NUDCD1: variants seen among roughly 807,000 people sequenced by gnomAD.
NUDCD1 encodes nudC domain-containing protein 1.
Under a neutral mutation model 67.8 loss-of-function variants are expected in NUDCD1, and 60 were observed. The observed-to-expected ratio is 0.88, with a 90% confidence interval of 0.72 to 1.10. The LOEUF is 1.10. Ranked by LOEUF, NUDCD1 falls within the 50% of genes least tolerant of loss-of-function variation. The pLI is 0.00. For synonymous variants in NUDCD1, 244 were observed against 230.8 expected (o/e 1.06, Z -0.52); for missense variants, 643 against 695.0 (o/e 0.93, Z 0.84).
chr8:109,280,012 AAAATTACTAC>A (rs1208002155), intron 6 of NUDCD1, among the ~76,000 whole-genome samples: 2 of 152,252 alleles, frequency 1.3e-5, no homozygotes, highest in Non-Finnish European at 2.9e-5. Context: ...TACATAAGAA[AAAATTACTAC>A]AATTTACAAA....
At position 109,296,545 on chromosome 8, in the gene NUDCD1, C is replaced by G. The variant is rs749909722; in HGVS notation, c.298G>C (p.Glu100Gln). The G allele has an allele frequency of 1.2e-6, 2 of 1,608,232 alleles. No individual in the cohort carries two copies. The highest frequency in any genetic ancestry group is 1.7e-6 in the Non-Finnish European group (2 of 1,175,874). The change falls in exon 3 of 10, where the codon GAG (glutamate) becomes CAG (glutamine). Residue 100 changes from glutamate to glutamine, a missense_variant. Coordinates refer to ENST00000239690, the MANE Select transcript of NUDCD1 (RefSeq NM_032869.4). ...MLDTALGKPREVFRLPTDLTA... is the reference protein window; with the variant it reads ...MLDTALGKPRQVFRLPTDLTA... ...AAATCTGTAGGAAGTCGAAACACCT[C>G]TCGTGGTTTTCCTAAGGCAGTGTCC...
chr8:109,257,933 A>AT (rs951233725), intron 8 of NUDCD1, among the ~76,000 whole-genome samples: 4 of 152,148 alleles, frequency 2.6e-5, no homozygotes, highest in Admixed American at 2.6e-4. Context: ...AAACACATGT[A>AT]TTACAAATTC....
intron 2 of NUDCD1, among the ~76,000 whole-genome samples, chr8:109,301,130 A>G (rs1223592365): frequency 1.3e-5 from 2 of 152,198 alleles, no homozygotes; most frequent in Non-Finnish European, 2.9e-5. Flanking sequence ...ACCTGCACGT[A>G]TGCATCCAGA....
intron 8 of NUDCD1, among the ~76,000 whole-genome samples, chr8:109,254,112 T>A (rs952885642): frequency 6.6e-6 from 1 of 152,194 alleles, no homozygotes; most frequent in Admixed American, 6.5e-5. Flanking sequence ...AGAGAAGGAC[T>A]GTGGCTTTGG....
chr8:109,318,930 T>G (rs1015636771), intron 2 of NUDCD1, among the ~76,000 whole-genome samples: 2 of 150,510 alleles, frequency 1.3e-5, no homozygotes, highest in African/African-American at 4.9e-5. Flanking sequence ...CAAACTATAG[T>G]CCACAGGCCA....
At chr8:109,292,003 A>C (rs1216540619) in intron 4 of NUDCD1, among the ~76,000 whole-genome samples, 1 of 152,178 alleles carries the variant, frequency 6.6e-6, no homozygotes, top group East Asian at 1.9e-4. Context: ...CCCTTGAGCC[A>C]AAGCTGAATC....
intron 2 of NUDCD1, among the ~76,000 whole-genome samples, chr8:109,302,447 T>C (rs1815011089): frequency 6.6e-6 from 1 of 152,100 alleles, no homozygotes; most frequent in Non-Finnish European, 1.5e-5. Context: ...AATCCTCCTT[T>C]TCTACAGACC....
chr8:109,279,248 T>C (rs1303495042), intron 6 of NUDCD1, among the ~76,000 whole-genome samples: 1 of 152,216 alleles, frequency 6.6e-6, no homozygotes, highest in African/African-American at 2.4e-5. Context: ...CAGATATGAA[T>C]GAGTTGCTGG....
Position 109,242,181 on chromosome 8 carries a change from A to G in NUDCD1, c.*828T>C, listed in dbSNP as rs1813382564. The G allele has an allele frequency of 5.0e-6, 2 of 397,790 alleles. No homozygotes were observed. Among genetic ancestry groups the G allele is most frequent in the Non-Finnish European group, 8.9e-6 (2 of 225,480 alleles). The allele number at this position is 397,790 out of a possible 1,614,324, so 24.6% of individuals were successfully genotyped here. A position where few individuals can be genotyped will look rare whatever the true frequency, so the allele number is the denominator to read the frequency against. Reference sequence around the variant, plus strand: ...TTGGCCATGTGATTTGCTTTGTCCAATGGAACATTAGTAAATATGATAGAT... The same window carrying G: ...TTGGCCATGTGATTTGCTTTGTCCAGTGGAACATTAGTAAATATGATAGAT... On this transcript the variant is annotated 3_prime_UTR_variant, in exon 10 of 10. Coordinates refer to ENST00000239690, the MANE Select transcript of NUDCD1 (RefSeq NM_032869.4).
At chr8:109,267,368 G>A (rs1245685393) in intron 8 of NUDCD1, among the ~76,000 whole-genome samples, 3 of 152,036 alleles carry the variant, frequency 2.0e-5, no homozygotes, top group Non-Finnish European at 1.5e-5. Context: ...GAGTCAGAAT[G>A]GCCATTATTA....
chr8:109,298,626 G>C (rs576574513), intron 2 of NUDCD1: 1 of 152,118 alleles, frequency 6.6e-6, no homozygotes, highest in Non-Finnish European at 1.5e-5. Context: ...TAAGAGAAAG[G>C]GAGACAAGTA....
intron 2 of NUDCD1, among the ~76,000 whole-genome samples, chr8:109,309,507 C>T (rs1284687394): frequency 6.6e-6 from 1 of 152,172 alleles, no homozygotes; most frequent in South Asian, 2.1e-4. Flanking sequence ...CAACATAATA[C>T]TGAATGGGGC....
rs570696641 is a variant in NUDCD1 at position 109,286,661 on chromosome 8, T to A, written c.823+3090A>T. 9.9e-5 allele frequency among the ~76,000 whole-genome samples: 15 copies of A among 152,182 alleles called. No individual in the cohort carries two copies. The South Asian group carries it at 3.1e-3, about 32-fold the overall frequency. On this transcript the variant is annotated intron_variant, in intron 5 of 9. Coordinates refer to ENST00000239690, the MANE Select transcript of NUDCD1 (RefSeq NM_032869.4). ...GAACTGAAGATTTAAATGTAAGACC[T>A]CAAACTGTAAGAATCTTAGAAGAAA...
chr8:109,311,559 G>GTGTGTGTGTATATATATA, intron 2 of NUDCD1, among the ~76,000 whole-genome samples: 1 of 125,166 alleles, frequency 8.0e-6, no homozygotes, highest in African/African-American at 3.5e-5. Context: ...AAACTGTGGT[G>GTGTGTGTGTATATATATA]TATATATATA....
chr8:109,285,502 T>C (rs1182924807), intron 5 of NUDCD1, among the ~76,000 whole-genome samples: 1 of 152,202 alleles, frequency 6.6e-6, no homozygotes, highest in Non-Finnish European at 1.5e-5. Flanking sequence ...GCAAGGTTAG[T>C]TTAACATATG....
chr8:109,279,590 T>C (rs1814381028), intron 6 of NUDCD1, among the ~76,000 whole-genome samples: 1 of 152,184 alleles, frequency 6.6e-6, no homozygotes, highest in African/African-American at 2.4e-5. Context: ...AAATTTTTAA[T>C]TTTGATATGC....
intron 6 of NUDCD1, among the ~76,000 whole-genome samples, chr8:109,276,865 G>A (rs1586271021): frequency 6.6e-6 from 1 of 152,118 alleles, no homozygotes; most frequent in African/African-American, 2.4e-5. Context: ...GTTTTGTCAT[G>A]TTGGCCAGGC....
chr8:109,331,185 A>C (rs1815796444), intron 1 of NUDCD1, among the ~76,000 whole-genome samples: 1 of 152,164 alleles, frequency 6.6e-6, no homozygotes, highest in South Asian at 2.1e-4. Context: ...TAATACAAAA[A>C]TTAGCTGGGC....
rs1813392674 is a variant in NUDCD1, at chr8:109,242,664, A to G, written c.*345T>C. The stretch of plus-strand genomic sequence containing the variant: ...TAGGTACAGCCTGTAGCAACTAATC[A>G]ACGAACAGAGTACACAATAAATATT... On this transcript the variant is annotated 3_prime_UTR_variant, in exon 10 of 10. Coordinates refer to ENST00000239690, the MANE Select transcript of NUDCD1 (RefSeq NM_032869.4). The G allele has an allele frequency of 5.7e-6, 1 of 176,244 alleles. No individual in the cohort carries two copies. Among genetic ancestry groups the G allele is most frequent in the African/African-American group, 2.4e-5 (1 of 42,106 alleles). 10.9% of individuals were successfully genotyped at this position (176,244 alleles called of 1,614,324 possible).
Sources: gnomAD v4.1 joint callset for allele counts (sites outside exome capture counted in the v4.1 genomes callset) on GRCh38, gnomAD v4.1.1 for gene constraint, MANE v1.5 for transcripts, NCBI Gene and HGNC (gene_info 2026-07-23, HGNC 2026-07-21) for gene names.